TENM3: variants seen among roughly 807,000 people sequenced by gnomAD.
TENM3 encodes the protein teneurin transmembrane protein 3.
A neutral mutation model predicts 255.1 loss-of-function variants in TENM3; 63 were observed. The observed-to-expected ratio is 0.25, with a 90% confidence interval of 0.20 to 0.30. The LOEUF (loss-of-function observed/expected upper bound fraction) is 0.30, where lower values mean the gene tolerates loss of function less well. TENM3 is among the 10% of genes least tolerant of loss of function. The pLI is 1.00. For missense variants in TENM3, 2,929 were observed against 3,461.1 expected, an observed-to-expected ratio of 0.85 and a Z score of 3.86; for synonymous variants, 1,306 against 1,322.3, an observed-to-expected ratio of 0.99 and a Z score of 0.27.
the TENM3 span, among the ~76,000 whole-genome samples, chr4:181,483,399 C>T: frequency 3.3e-5 from 5 of 152,154 alleles, no homozygotes; most frequent in African/African-American, 1.2e-4. Context: ...AGAAAAAAAT[C>T]GTAGTCATTC....
the TENM3 span, among the ~76,000 whole-genome samples, chr4:181,583,126 A>T: frequency 1.8e-4 from 1 of 5,414 alleles, no homozygotes; most frequent in Non-Finnish European, 1.8e-3. Flanking sequence ...ACCCTTCTGT[A>T]GTATTTTTTT....
intron 12 of TENM3, among the ~76,000 whole-genome samples, chr4:182,712,646 A>T (rs1758837425): frequency 6.6e-6 from 1 of 152,162 alleles, no homozygotes; most frequent in Non-Finnish European, 1.5e-5. Flanking sequence ...TAAGAGACAG[A>T]ATGTCTCTTG....
the TENM3 span, among the ~76,000 whole-genome samples, chr4:182,058,550 G>T: frequency 0.016 from 2,280 of 142,370 alleles, 22 homozygotes; most frequent in Non-Finnish European, 0.026. Flanking sequence ...AGAACATAAA[G>T]TTCACTAGCA....
chr4:182,213,242 A>G (rs372133187), intron 1 of TENM3, among the ~76,000 whole-genome samples: 3 of 152,328 alleles, frequency 2.0e-5, no homozygotes, highest in African/African-American at 7.2e-5. Flanking sequence ...GTTGCACCAT[A>G]TTTCAAATAT....
At chr4:181,553,574 T>C in the TENM3 span, among the ~76,000 whole-genome samples, 1 of 151,884 alleles carries the variant, frequency 6.6e-6, no homozygotes, top group African/African-American at 2.4e-5. Context: ...CCCGAGTAGC[T>C]GGGACTACGG....
At chr4:182,415,525 C>T (rs1205639924) in intron 3 of TENM3, among the ~76,000 whole-genome samples, 1 of 152,042 alleles carries the variant, frequency 6.6e-6, no homozygotes, top group Admixed American at 6.6e-5. Context: ...CTTACATATT[C>T]ATTTATTCCT....
intron 3 of TENM3, among the ~76,000 whole-genome samples, chr4:182,516,193 A>G (rs1737927085): frequency 6.6e-6 from 1 of 152,250 alleles, no homozygotes; most frequent in Admixed American, 6.5e-5. Flanking sequence ...ACTGTGAGTT[A>G]GGAACTATTC....
the TENM3 span, among the ~76,000 whole-genome samples, chr4:181,812,411 C>A: frequency 6.6e-6 from 1 of 152,148 alleles, no homozygotes; most frequent in East Asian, 1.9e-4. Context: ...TAATTTATGA[C>A]TTTCTGATAC....
chr4:181,874,310 TACTG>T, the TENM3 span: 12 of 152,232 alleles, frequency 7.9e-5, no homozygotes, highest in Non-Finnish European at 1.6e-4. Context: ...TTCTACAAAA[TACTG>T]ACAAAGAAGT....
rs771424919 is a variant in TENM3, at chr4:182,793,657, A to G, written c.6985A>G (p.Asn2329Asp). Residue 2329 changes from asparagine (N) to aspartate (D), a missense_variant, in exon 26 of 28, where the codon AAT (asparagine) becomes GAT (aspartate). By Grantham distance (23) the Asn-to-Asp change is conservative. Transcript: ENST00000511685. This position sits in a 1 kb window ranked among gnomAD's most constrained non-coding sequence, Gnocchi z 5.7. ...TAYGEIYFDS[N>D]IDFQLVIGFH... is the part of the protein sequence containing the mutation. ...ATATGGGGAAATCTATTTTGACTCTAATATTGACTTTCAACTGGTAATTGG... is the reference window on the plus strand; with the variant it reads ...ATATGGGGAAATCTATTTTGACTCTGATATTGACTTTCAACTGGTAATTGG... 6.2e-7 allele frequency: 1 copy of G among 1,613,954 alleles called. No individual in the cohort carries two copies. The highest frequency in any genetic ancestry group is 8.5e-7 in the Non-Finnish European group (1 of 1,179,826).
chr4:182,233,709 G>A (rs1024610602), intron 1 of TENM3, among the ~76,000 whole-genome samples: 11 of 152,186 alleles, frequency 7.2e-5, no homozygotes, highest in Non-Finnish European at 1.2e-4. Context: ...CCAACTTTGG[G>A]TAAATTCTTT....
intron 3 of TENM3, among the ~76,000 whole-genome samples, chr4:182,469,576 T>C (rs1732918885): frequency 6.6e-6 from 1 of 152,038 alleles, no homozygotes; most frequent in Non-Finnish European, 1.5e-5. Context: ...GAGCCGGGCA[T>C]GGTGGCGCTC....
Position 182,789,055 on chromosome 4 carries a change from A to T in TENM3, c.5305-38A>T, listed in dbSNP as rs757662848. 1 of 1,548,002 alleles carries T rather than the reference A, an allele frequency of 6.5e-7. No homozygotes were observed. Among genetic ancestry groups the T allele is most frequent in the Non-Finnish European group, 8.8e-7 (1 of 1,140,200 alleles). On this transcript the variant is annotated intron_variant, in intron 24 of 27. Coordinates refer to ENST00000511685, the MANE Select transcript of TENM3 (RefSeq NM_001080477.4). The surrounding 1 kb of genome is among the most constrained non-coding windows in gnomAD (Gnocchi z 4.4). The stretch of plus-strand genomic sequence containing the variant: ...TACTGGGGACTCCGGTGTTGGAATA[A>T]CATGATTTATTTTATCATCTTGTTG...
chr4:181,738,439 C>T, the TENM3 span, among the ~76,000 whole-genome samples: 12 of 152,090 alleles, frequency 7.9e-5, no homozygotes, highest in African/African-American at 2.7e-4. Context: ...TTATGAAGTC[C>T]TTTATTTTGT....
At chr4:182,227,601 T>G (rs895415262) in intron 1 of TENM3, among the ~76,000 whole-genome samples, 3 of 152,024 alleles carry the variant, frequency 2.0e-5, no homozygotes, top group African/African-American at 7.2e-5. Flanking sequence ...AAGCCTCGCT[T>G]TAGTCTAATT....
intron 19 of TENM3, chr4:182,744,296 A>G (rs1391867469): frequency 7.0e-6 from 3 of 431,644 alleles, no homozygotes; most frequent in Non-Finnish European, 6.2e-6. Context: ...TCATCGAAGG[A>G]ATTAAAAGTG....
chr4:181,816,139 C>T, the TENM3 span, among the ~76,000 whole-genome samples: 1 of 152,124 alleles, frequency 6.6e-6, no homozygotes, highest in Non-Finnish European at 1.5e-5. Flanking sequence ...TAAGACGTTT[C>T]CACTCATAGT....
chr4:182,042,891 GT>G, the TENM3 span, among the ~76,000 whole-genome samples: 23 of 150,260 alleles, frequency 1.5e-4, no homozygotes, highest in South Asian at 4.8e-3. Flanking sequence ...GTGTGTGTGT[GT>G]GTGTGTGTGT....
At chr4:181,616,899 T>G in the TENM3 span, among the ~76,000 whole-genome samples, 1 of 152,204 alleles carries the variant, frequency 6.6e-6, no homozygotes, top group South Asian at 2.1e-4. Context: ...CAAATACCAA[T>G]GTCTTTCGGA....
Sources: allele counts gnomAD v4.1 joint callset (sites outside exome capture counted in the v4.1 genomes callset), GRCh38; gene constraint gnomAD v4.1.1; non-coding constraint Gnocchi (gnomAD v3.1); transcripts MANE v1.5; gene names NCBI Gene and HGNC (gene_info 2026-07-23, HGNC 2026-07-21).